DENND2B: variants seen among roughly 807,000 people sequenced by gnomAD.
DENND2B encodes the protein DENN domain containing 2B.
Under a neutral mutation model 116.0 loss-of-function variants are expected in DENND2B, and 32 were observed. The observed-to-expected ratio is 0.28, with a 90% CI of 0.21 to 0.37. The LOEUF (loss-of-function observed/expected upper bound fraction) is 0.37. Among genes scored for constraint, DENND2B ranks in the 10% least tolerant of loss-of-function variants. DENND2B has a pLI of 1.00. For synonymous variants in DENND2B, 588 were observed against 583.9 expected, an observed-to-expected ratio of 1.01 and a Z score of -0.10; for missense variants, 1,276 against 1,477.7, an observed-to-expected ratio of 0.86 and a Z score of 2.24.
intron 1 of DENND2B, among the ~76,000 whole-genome samples, chr11:8,883,219 G>A (rs1230067893): frequency 6.6e-6 from 1 of 151,988 alleles, no homozygotes; most frequent in African/African-American, 2.4e-5. Context: ...CAAAGAAAAG[G>A]CAAAAAGAGA....
At chr11:8,725,097 TG>T (rs1382753218) in intron 4 of DENND2B, among the ~76,000 whole-genome samples, 2 of 152,228 alleles carry the variant, frequency 1.3e-5, no homozygotes, top group African/African-American at 4.8e-5. Flanking sequence ...ACCATGAAAC[TG>T]GGGCAATGAA....
Position 8,730,042 on chromosome 11 carries a change from A to AGGTGTG in DENND2B, c.1242_1247dup (p.Thr415_Pro416dup). 1 of 1,614,136 alleles carries AGGTGTG rather than the reference A, an allele frequency of 6.2e-7. No individual in the cohort carries two copies. The highest frequency in any genetic ancestry group is 8.5e-7 in the Non-Finnish European group (1 of 1,180,012). On this transcript the variant is annotated inframe_insertion, in exon 3 of 20. Coordinates refer to ENST00000313726, the MANE Select transcript of DENND2B (RefSeq NM_213618.2). This position sits in a 1 kb window ranked among gnomAD's most constrained non-coding sequence, Gnocchi z 4.1. ...TGGAGGGCAAGGGAGGTGGAGCAGCAGGTGTGGGTGAAGGAGGTAGACCAT... is the reference window on the plus strand; with the variant it reads ...TGGAGGGCAAGGGAGGTGGAGCAGCAGGTGTGGGTGTGGGTGAAGGAGGTAGACCAT...
chr11:8,756,504 G>A (rs2053630652), intron 1 of DENND2B, among the ~76,000 whole-genome samples: 1 of 152,332 alleles, frequency 6.6e-6, no homozygotes, highest in South Asian at 2.1e-4. Flanking sequence ...CAGGCATCTT[G>A]AGCTGGCACT....
rs374009477 is a variant in DENND2B at position 8,730,621 on chromosome 11, C to G, written c.669G>C (p.Lys223Asn). The stretch of plus-strand genomic sequence containing the variant: ...AGGTCCTGCTCATCCTCCGGAGGCC[C>G]TTGAAATCAAAGGTCTTTTCAGAGC... Reference protein sequence around the residue: ...PCSSEKTFDFKGLRRMSRTFS... With the variant: ...PCSSEKTFDFNGLRRMSRTFS... The change falls in exon 3 of 20, where the codon AAG becomes AAC. Residue 223 changes from lysine to asparagine, a missense_variant. Physicochemically the swap from Lys to Asn is moderately conservative, Grantham distance 94. Around this residue, in one of 2 missense-constraint regions of DENND2B, gnomAD observed 856 missense variants for 846.6 expected, o/e 1.01. Coordinates refer to ENST00000313726, the MANE Select transcript of DENND2B (RefSeq NM_213618.2). This position sits in a 1 kb window ranked among gnomAD's most constrained non-coding sequence, Gnocchi z 4.1. 96 of 1,613,020 alleles carry G rather than the reference C, an allele frequency of 6.0e-5. No individual in the cohort carries two copies. In the East Asian group the frequency reaches 1.1e-3, roughly 19 times the overall value.
chr11:8,908,558 G>A (rs1010432699), intron 1 of DENND2B, among the ~76,000 whole-genome samples: 1 of 152,076 alleles, frequency 6.6e-6, no homozygotes, highest in African/African-American at 2.4e-5. Flanking sequence ...AAAAAATAAA[G>A]AGGACCAAAT....
chr11:8,709,983 C>T (rs1347483053), intron 11 of DENND2B, among the ~76,000 whole-genome samples: 2 of 152,168 alleles, frequency 1.3e-5, no homozygotes, highest in Non-Finnish European at 2.9e-5. Flanking sequence ...CTCAATAGCA[C>T]GTGCCTGACT....
intron 1 of DENND2B, among the ~76,000 whole-genome samples, chr11:8,765,376 T>C (rs1365143073): frequency 1.3e-5 from 2 of 152,254 alleles, no homozygotes; most frequent in Non-Finnish European, 1.5e-5. Flanking sequence ...ACAGGGATAC[T>C]GCTAAATATT....
In DENND2B at chr11:8,730,272, C is replaced by T. The variant is rs766230908; in HGVS notation, c.1018G>A (p.Gly340Arg). Residue 340 changes from glycine (G) to arginine (R), a missense_variant, in exon 3 of 20, where the codon GGA becomes AGA. By Grantham distance (125) the Gly-to-Arg change is moderately radical (BLOSUM62 -2). Transcript: ENST00000313726. The surrounding 1 kb of genome is among the most constrained non-coding windows in gnomAD (Gnocchi z 4.1). ...ASVSAGSRAV[G>R]VAGVAGEAGP... The stretch of plus-strand genomic sequence containing the variant: ...GCCTCCCCCGCAACACCAGCCACTC[C>T]GACTGCCCGGCTGCCAGCGCTCACA... 9 of 1,610,428 alleles carry T rather than the reference C, an allele frequency of 5.6e-6. No individual in the cohort carries two copies. The highest frequency in any genetic ancestry group is 6.8e-6 in the Non-Finnish European group (8 of 1,179,312).
rs2133930450 is a variant in DENND2B, at chr11:8,731,042, G to A, written c.248C>T (p.Pro83Leu). ...PAPSPQNPQDPSPDTSPPTCP... is the reference protein window; with the variant it reads ...PAPSPQNPQDLSPDTSPPTCP... The stretch of plus-strand genomic sequence containing the variant: ...GGTGGGTGGGGAAGTATCTGGGGAG[G>A]GATCTTGAGGATTCTGGGGTGAAGG... The change falls in exon 3 of 20, where the codon CCC becomes CTC. Residue 83 changes from proline (P) to leucine (L), a missense_variant. This residue lies in a region of DENND2B where 856 missense variants were observed against 846.6 expected (regional missense o/e 1.01). Coordinates refer to ENST00000313726, the MANE Select transcript of DENND2B (RefSeq NM_213618.2). The A allele has an allele frequency of 6.2e-7, 1 of 1,614,114 alleles. No homozygotes were observed. Among genetic ancestry groups the A allele is most frequent in the Non-Finnish European group, 8.5e-7 (1 of 1,179,996 alleles).
At chr11:8,868,558 T>C (rs2063665059) in intron 2 of DENND2B, among the ~76,000 whole-genome samples, 1 of 152,226 alleles carries the variant, frequency 6.6e-6, no homozygotes, top group African/African-American at 2.4e-5. Context: ...ACTTTACCAC[T>C]TGTGTCATCC....
chr11:8,873,639 C>T (rs2063814800), upstream of DENND2B, among the ~76,000 whole-genome samples: 1 of 152,206 alleles, frequency 6.6e-6, no homozygotes, highest in South Asian at 2.1e-4. Flanking sequence ...ACTTGACAAA[C>T]AAGGTCGACT....
chr11:8,881,839 C>G (rs1364761537), intron 1 of DENND2B, among the ~76,000 whole-genome samples: 1 of 152,204 alleles, frequency 6.6e-6, no homozygotes, highest in African/African-American at 2.4e-5. Context: ...GCCAGCATGC[C>G]CGGCCAGTCT....
Position 8,696,596 on chromosome 11 carries a change from G to A in DENND2B, c.3123C>T (p.Tyr1041=). The A allele has an allele frequency of 5.6e-6, 9 of 1,614,194 alleles. No individual in the cohort carries two copies. The highest frequency in any genetic ancestry group is 1.6e-4 in the Middle Eastern group (1 of 6,062). The change falls in exon 18 of 20, where the codon TAC becomes TAT. Residue 1041 remains tyrosine, a synonymous_variant. Coordinates refer to ENST00000313726, the MANE Select transcript of DENND2B (RefSeq NM_213618.2). ...IRFFVETVGH[Y]SLFLTQSEKG... ...TCTCACTCTGTGTCAGAAAGAGGGA[G>A]TAGTGCCCAACGGTCTCCACAAAGA...
chr11:8,834,686 A>G (rs1045396863), intron 4 of DENND2B, among the ~76,000 whole-genome samples: 12 of 152,208 alleles, frequency 7.9e-5, no homozygotes, highest in African/African-American at 2.7e-4. Flanking sequence ...CAATGGGAAC[A>G]GAGTCAGTCT....
In DENND2B at chr11:8,707,392, T is replaced by A; in HGVS notation, c.2431-167A>T. 1 of 877,224 alleles carries A rather than the reference T, an allele frequency of 1.1e-6. No individual in the cohort carries two copies. The highest frequency in any genetic ancestry group is 1.7e-6 in the Non-Finnish European group (1 of 595,686). The allele number at this position is 877,224 out of a possible 1,614,324, so 54.3% of individuals were successfully genotyped here. A position where few individuals can be genotyped will look rare whatever the true frequency, so the allele number is the denominator to read the frequency against. ...CACACTCTACCCTTCCCGTTTTCCT[T>A]GGCACTCAGTGACTCCTCTGTTCCC... is the stretch of plus-strand genomic sequence containing the variant. On this transcript the variant is annotated intron_variant, in intron 12 of 19. Transcript: ENST00000313726. The surrounding 1 kb of genome is among the most constrained non-coding windows in gnomAD (Gnocchi z 4.8).
At chr11:8,857,771 C>A (rs2063246445) in intron 2 of DENND2B, among the ~76,000 whole-genome samples, 1 of 152,216 alleles carries the variant, frequency 6.6e-6, no homozygotes, top group Non-Finnish European at 1.5e-5. Flanking sequence ...GTGGTTCTGA[C>A]ATCAACTGGT....
intron 14 of DENND2B, among the ~76,000 whole-genome samples, chr11:8,701,364 G>C (rs1308380385): frequency 5.5e-5 from 5 of 90,814 alleles, no homozygotes; most frequent in Non-Finnish European, 1.1e-4. Context: ...GGGGGGAGGG[G>C]CTACATGAAT....
chr11:8,731,119 G>A lies in DENND2B; in HGVS notation c.171C>T (p.Tyr57=). The part of the protein sequence containing the change: ...LSDSETSACR[Y]PSHSSSRVLL... The stretch of plus-strand genomic sequence containing the variant: ...GCACCCGGGAGCTGGAGTGGCTGGG[G>A]TACCTGCAGGCTGAGGTTTCACTAT... Residue 57 remains tyrosine (Y), a synonymous_variant, in exon 3 of 20, where the codon TAC becomes TAT. Transcript: ENST00000313726. The A allele has an allele frequency of 6.3e-7, 1 of 1,598,250 alleles. No individual in the cohort carries two copies. The highest frequency in any genetic ancestry group is 8.5e-7 in the Non-Finnish European group (1 of 1,171,442).
rs56115841 is a variant in DENND2B at position 8,910,709 on chromosome 11, A to AGTGTGTGTGTGTGTGTGTGTGT, written c.-256+90_-256+111dup. The AGTGTGTGTGTGTGTGTGTGTGT allele has an allele frequency of 3.2e-3, 235 of 72,380 alleles. 16 individuals carry two copies. The highest frequency in any genetic ancestry group is 0.013 in the African/African-American group (221 of 17,288). The allele number at this position is 72,380 out of a possible 1,614,324, so 4.5% of individuals were successfully genotyped here. ...TGGTACCCCATAACCACTCCTGGCT[A>AGTGTGTGTGTGTGTGTGTGTGT]GTGTGTGTGTGTGTGTGTGTGTGTG... On this transcript the variant is annotated intron_variant, in intron 1 of 22. Coordinates refer to the DENND2B transcript ENST00000534127.
Sources: allele counts gnomAD v4.1 joint callset (sites outside exome capture counted in the v4.1 genomes callset), GRCh38; gene constraint gnomAD v4.1.1; regional missense constraint gnomAD v4.1.1; non-coding constraint Gnocchi (gnomAD v3.1); transcripts MANE v1.5; gene names NCBI Gene and HGNC (gene_info 2026-07-23, HGNC 2026-07-21).